ARHGEF12: variants seen among roughly 807,000 people sequenced by gnomAD.
The protein encoded by ARHGEF12 is Rho guanine nucleotide exchange factor 12, also known as KMT2A/ARHGEF12 fusion protein.
ARHGEF12 carries 66 observed loss-of-function variants against 211.2 expected under a neutral mutation model. That is an observed-to-expected ratio of 0.31 (90% confidence interval 0.26 to 0.38). The LOEUF (loss-of-function observed/expected upper bound fraction) is 0.38, where lower values mean the gene tolerates loss of function less well. Among genes scored for constraint, ARHGEF12 ranks in the 10% least tolerant of loss-of-function variants. ARHGEF12 has a pLI of 1.00. For missense variants in ARHGEF12, 1,429 were observed against 1,869.5 expected, an observed-to-expected ratio of 0.76 and a Z score of 4.34; for synonymous variants, 592 against 638.4, an observed-to-expected ratio of 0.93 and a Z score of 1.09.
chr11:120,375,779 T>C (rs1354652767), intron 1 of ARHGEF12, among the ~76,000 whole-genome samples: 1 of 152,156 alleles, frequency 6.6e-6, no homozygotes, highest in Non-Finnish European at 1.5e-5. Flanking sequence ...GTTCTTTTTC[T>C]TTCCTCAGAA....
chr11:120,383,039 T>C (rs1361167560), intron 1 of ARHGEF12, among the ~76,000 whole-genome samples: 1 of 152,072 alleles, frequency 6.6e-6, no homozygotes, highest in Non-Finnish European at 1.5e-5. Context: ...CTTGGGAGGC[T>C]GAGGCAGGGG....
chr11:120,398,382 A>T (rs1944453712), intron 1 of ARHGEF12, among the ~76,000 whole-genome samples: 1 of 152,196 alleles, frequency 6.6e-6, no homozygotes, highest in Non-Finnish European at 1.5e-5. Context: ...GTGGTGAGCC[A>T]TTGTTACTGA....
chr11:120,395,174 A>C (rs1045963534), intron 1 of ARHGEF12, among the ~76,000 whole-genome samples: 1 of 151,946 alleles, frequency 6.6e-6, no homozygotes, highest in Non-Finnish European at 1.5e-5. Flanking sequence ...CAATATATAT[A>C]CAATATGTAA....
At chr11:120,382,939 A>G (rs1943918442) in intron 1 of ARHGEF12, among the ~76,000 whole-genome samples, 1 of 152,142 alleles carries the variant, frequency 6.6e-6, no homozygotes, top group Non-Finnish European at 1.5e-5. Context: ...GGAGATTGAG[A>G]CCATCCTGGC....
chr11:120,417,237 G>T (rs1945058196), intron 4 of ARHGEF12, among the ~76,000 whole-genome samples: 1 of 152,050 alleles, frequency 6.6e-6, no homozygotes, highest in African/African-American at 2.4e-5. Flanking sequence ...TATTTAAGAA[G>T]CCCAGGTTGC....
intron 7 of ARHGEF12, among the ~76,000 whole-genome samples, chr11:120,427,229 G>T (rs889033804): frequency 5.3e-5 from 8 of 151,982 alleles, no homozygotes; most frequent in Non-Finnish European, 8.8e-5. Flanking sequence ...TATGTCTACT[G>T]AATTCCTGTC....
chr11:120,478,317 T>A lies in ARHGEF12; in HGVS notation c.3694T>A (p.Tyr1232Asn), dbSNP rs189417708. The change falls in exon 37 of 41, where the codon TAT becomes AAT. Residue 1232 changes from tyrosine (Y) to asparagine (N), a missense_variant. Physicochemically the swap from Tyr to Asn is moderately radical, Grantham distance 143. Coordinates refer to ENST00000397843, the MANE Select transcript of ARHGEF12 (RefSeq NM_015313.3). ...DGTLKEVGED[Y>N]QIAIPDSHLP... ...GACACTAAAGGAAGTTGGAGAAGAT[T>A]ATCAAATCGCAATCCCAGATTCACA... The A allele has an allele frequency of 2.6e-4, 417 of 1,614,160 alleles. 1 individual carries two copies. The African/African-American group carries it at 5.1e-3, about 20-fold the overall frequency.
At chr11:120,404,491 A>G (rs1489874794) in intron 1 of ARHGEF12, among the ~76,000 whole-genome samples, 2 of 152,222 alleles carry the variant, frequency 1.3e-5, no homozygotes, top group Non-Finnish European at 2.9e-5. Context: ...TGAAGTAGTA[A>G]GTAGATTATG....
chr11:120,389,881 G>A (rs1482157629), intron 1 of ARHGEF12, among the ~76,000 whole-genome samples: 5 of 151,990 alleles, frequency 3.3e-5, no homozygotes, highest in Non-Finnish European at 7.4e-5. Flanking sequence ...TGGCTAAATA[G>A]TACTCCATTG....
At chr11:120,449,731 A>C (rs1297002942) in intron 21 of ARHGEF12, 1 of 152,008 alleles carries the variant, frequency 6.6e-6, no homozygotes, top group Non-Finnish European at 1.5e-5. Context: ...AAAAAAAAAA[A>C]ACGAAAACAC....
chr11:120,469,101 TAAG>T (rs1194724140), intron 29 of ARHGEF12, among the ~76,000 whole-genome samples, 184 bp from the exon 30 acceptor site: 10 of 152,330 alleles, frequency 6.6e-5, no homozygotes, highest in Admixed American at 2.6e-4. Flanking sequence ...AGTCCTGTTA[TAAG>T]AAGTTTTACC....
At chr11:120,448,378 C>T in intron 20 of ARHGEF12, 30 bp downstream of exon 20, 1 of 1,556,830 alleles carries the variant, frequency 6.4e-7, no homozygotes, top group Non-Finnish European at 8.9e-7. Context: ...ATAGCATGTT[C>T]AGGCCTTAGG....
Position 120,347,145 on chromosome 11 carries a change from TTCCTTCC to T in ARHGEF12, c.32+9872_32+9878del, listed in dbSNP as rs1480475177. Among the ~76,000 whole-genome samples, 38 of 93,106 alleles carry T rather than the reference TTCCTTCC, an allele frequency of 4.1e-4. 1 individual carries two copies. The highest frequency in any genetic ancestry group is 1.4e-3 in the African/African-American group (35 of 24,140). 61.1% of individuals were successfully genotyped at this position (93,106 alleles called of 152,430 possible). A position where few individuals can be genotyped will look rare whatever the true frequency, so the allele number is the denominator to read the frequency against. The stretch of plus-strand genomic sequence containing the variant: ...TTTCTTTCTTTCTTTCCTTCCTTCC[TTCCTTCC>T]TTCCTTCCTTCCTTCCTTCCTTCCT... On this transcript the variant is annotated intron_variant, in intron 1 of 40. Transcript: ENST00000397843.
Position 120,469,554 on chromosome 11 carries a change from A to G in ARHGEF12, c.2955+166A>G, listed in dbSNP as rs1172294619. On this transcript the variant is annotated intron_variant, in intron 30 of 40. Coordinates refer to ENST00000397843, the MANE Select transcript of ARHGEF12 (RefSeq NM_015313.3). ...CAGGTCAAGATCAATCTGTGATAGA[A>G]TATCGGAGTTGTATTTGACTTTTTG... Among the ~76,000 whole-genome samples, 3 of 152,222 alleles carry G rather than the reference A, an allele frequency of 2.0e-5. No homozygotes were observed. The South Asian group carries it at 6.2e-4, about 32-fold the overall frequency.
chr11:120,442,288 T>C, intron 15 of ARHGEF12, 86 bp downstream of exon 15: 1 of 962,700 alleles, frequency 1.0e-6, no homozygotes, highest in Non-Finnish European at 1.5e-6. Flanking sequence ...CCCATGTTTT[T>C]GGATTTTACT....
intron 1 of ARHGEF12, among the ~76,000 whole-genome samples, chr11:120,392,508 T>C (rs578034943): frequency 1.3e-5 from 2 of 152,302 alleles, no homozygotes; most frequent in Admixed American, 1.3e-4. Flanking sequence ...GGTGTTTGTG[T>C]AACTTTGTAT....
In ARHGEF12 at chr11:120,437,376, G is replaced by C. The variant is rs1382269323; in HGVS notation, c.993G>C (p.Gln331His). 1.9e-6 allele frequency: 3 copies of C among 1,611,522 alleles called. No individual in the cohort carries two copies. Among genetic ancestry groups the C allele is most frequent in the Non-Finnish European group, 8.5e-7 (1 of 1,178,604 alleles). ...EENPEKSETI[Q>H]DTDTQSLVGS... ...ACCCAGAGAAAAGTGAAACAATTCA[G>C]GACACTGTGAGTATGAAATCCATGC... Residue 331 changes from glutamine (Q) to histidine (H), a missense_variant, in exon 12 of 41, where the codon CAG becomes CAC. Gln to His is a conservative substitution (Grantham distance 24). Around this residue, in one of 7 missense-constraint regions of ARHGEF12, gnomAD observed 254 missense variants for 286.4 expected, o/e 0.89. Transcript: ENST00000397843.
At chr11:120,436,318 C>T (rs1362795689) in intron 11 of ARHGEF12, among the ~76,000 whole-genome samples, 1 of 152,166 alleles carries the variant, frequency 6.6e-6, no homozygotes, top group Non-Finnish European at 1.5e-5. Context: ...GTGGGGCATA[C>T]ATTTGAAAGT....
In ARHGEF12 at chr11:120,398,277, A is replaced by G. The variant is rs761258995; in HGVS notation, c.33-7841A>G. ...ACTGAATGTCAGTGTTACACAGTGA[A>G]CTTTGTAGAGCAGTGATTCCCAATT... On this transcript the variant is annotated intron_variant, in intron 1 of 40. Transcript: ENST00000397843. Among the ~76,000 whole-genome samples the G allele has an allele frequency of 2.6e-5, 4 of 152,338 alleles. No homozygotes were observed. The East Asian group carries it at 5.8e-4, about 22-fold the overall frequency.
Sources: allele counts gnomAD v4.1 joint callset (sites outside exome capture counted in the v4.1 genomes callset), GRCh38; gene constraint gnomAD v4.1.1; regional missense constraint gnomAD v4.1.1; transcripts MANE v1.5; gene names NCBI Gene and HGNC (gene_info 2026-07-23, HGNC 2026-07-21).